Variants in DPP10 observed in about 807,000 individuals in gnomAD.
DPP10 encodes the protein dipeptidyl peptidase like 10, also known as inactive dipeptidyl peptidase 10.
In DPP10, 33 loss-of-function variants were observed where a neutral mutation model predicts 120.9. The observed-to-expected ratio is 0.27, with a 90% CI of 0.21 to 0.37. DPP10 has a LOEUF of 0.37. DPP10 is among the 10% of genes least tolerant of loss of function. The pLI is 1.00. For missense variants in DPP10, 816 were observed against 942.8 expected (o/e 0.87, Z 1.76); for synonymous variants, 337 against 326.1 (o/e 1.03, Z -0.36).
intron 1 of DPP10, among the ~76,000 whole-genome samples, chr2:115,022,681 C>A (rs901859115): frequency 6.6e-6 from 1 of 151,882 alleles, no homozygotes; most frequent in Non-Finnish European, 1.5e-5. Context: ...AAAAAAGAGC[C>A]CACATAACCA....
intron 3 of DPP10, among the ~76,000 whole-genome samples, chr2:115,415,531 G>C (rs1167863715): frequency 6.6e-6 from 1 of 151,954 alleles, no homozygotes; most frequent in Non-Finnish European, 1.5e-5. Context: ...GTCCATTAAG[G>C]GCTCAATGCC....
At chr2:115,227,482 A>G (rs1447730050) in intron 1 of DPP10, among the ~76,000 whole-genome samples, 1 of 152,170 alleles carries the variant, frequency 6.6e-6, no homozygotes, top group Non-Finnish European at 1.5e-5. Flanking sequence ...CTTAGTGAAC[A>G]GTTCTGAGTT....
intron 1 of DPP10, chr2:114,461,787 G>C: frequency 2.0e-6 from 2 of 985,372 alleles, no homozygotes; most frequent in Non-Finnish European, 2.4e-6. Flanking sequence ...GAGGATTAGA[G>C]AAATAATATA....
At chr2:114,923,190 CTTTTTTT>C (rs879644489) in intron 1 of DPP10, among the ~76,000 whole-genome samples, 2 of 137,476 alleles carry the variant, frequency 1.5e-5, no homozygotes, top group East Asian at 4.2e-4. Context: ...TTTCTTTTTT[CTTTTTTT>C]TTTTTAGACA....
At chr2:114,545,259 A>C (rs1687302146) in intron 1 of DPP10, among the ~76,000 whole-genome samples, 1 of 152,128 alleles carries the variant, frequency 6.6e-6, no homozygotes, top group Non-Finnish European at 1.5e-5. Context: ...ATTTTATATA[A>C]GTTAATAAAT....
At chr2:115,416,826 C>A (rs571055025) in intron 3 of DPP10, among the ~76,000 whole-genome samples, 3 of 152,018 alleles carry the variant, frequency 2.0e-5, no homozygotes, top group Non-Finnish European at 2.9e-5. Context: ...TATGAGGCTG[C>A]GTTCCAGTTT....
At chr2:114,517,488 C>A (rs1289372552) in intron 1 of DPP10, among the ~76,000 whole-genome samples, 1 of 149,714 alleles carries the variant, frequency 6.7e-6, no homozygotes, top group East Asian at 2.0e-4. Flanking sequence ...CCACTGCACT[C>A]CAGCCTGGGT....
chr2:115,753,197 A>G lies in DPP10; in HGVS notation c.974A>G (p.Lys325Arg), dbSNP rs773675590. The stretch of plus-strand genomic sequence containing the variant: ...AGAGAATACTATATCACTATGGTTA[A>G]ATGGGTAAGCAATACCAAGACTGTG... ...KSREYYITMV[K>R]WVSNTKTVVR... is the part of the protein sequence containing the mutation. Residue 325 changes from lysine (K) to arginine (R), a missense_variant, in exon 11 of 26, where the codon AAA (lysine) becomes AGA (arginine). Around this residue, in one of 3 missense-constraint regions of DPP10, gnomAD observed 592 missense variants for 649.0 expected, o/e 0.91. Transcript: ENST00000410059. 17 of 1,611,598 alleles carry G rather than the reference A, an allele frequency of 1.1e-5. No homozygotes were observed. The highest frequency in any genetic ancestry group is 1.4e-5 in the Non-Finnish European group (17 of 1,178,494).
intron 1 of DPP10, among the ~76,000 whole-genome samples, chr2:114,909,525 T>G (rs2106635250): frequency 6.6e-6 from 1 of 152,152 alleles, no homozygotes; most frequent in Admixed American, 6.5e-5. Flanking sequence ...TGCATTACTC[T>G]TGATAGAATC....
At chr2:115,715,339 C>CAAAAAAAA (rs546857779) in intron 7 of DPP10, among the ~76,000 whole-genome samples, 7 of 67,636 alleles carry the variant, frequency 1.0e-4, no homozygotes, top group African/African-American at 3.5e-4. Context: ...AACTCCGTCT[C>CAAAAAAAA]AAAAAAAAAA....
intron 21 of DPP10, among the ~76,000 whole-genome samples, chr2:115,819,702 C>T (rs1335532370): frequency 1.3e-5 from 2 of 152,080 alleles, no homozygotes; most frequent in Admixed American, 1.3e-4. Flanking sequence ...CTTTCAAATA[C>T]AAGCACTTAG....
intron 1 of DPP10, among the ~76,000 whole-genome samples, chr2:114,748,362 TTTTATTTATTTA>T (rs57013331): frequency 1.3e-3 from 158 of 124,734 alleles, no homozygotes; most frequent in African/African-American, 1.7e-3. Flanking sequence ...TTTTTTTTTA[TTTTATTTATTTA>T]TTTATTTATT....
chr2:115,301,573 G>A (rs2105978659), intron 1 of DPP10, among the ~76,000 whole-genome samples: 1 of 150,342 alleles, frequency 6.7e-6, no homozygotes, highest in East Asian at 2.0e-4. Flanking sequence ...GCTTTTTCTT[G>A]ATGGGGCATT....
At chr2:115,742,038 G>A (rs750387549) in intron 9 of DPP10, among the ~76,000 whole-genome samples, 1 of 152,068 alleles carries the variant, frequency 6.6e-6, no homozygotes, top group African/African-American at 2.4e-5. Flanking sequence ...TTTATTAATT[G>A]TAGAAATCAC....
intron 1 of DPP10, among the ~76,000 whole-genome samples, chr2:114,851,743 G>A (rs567134348): frequency 6.6e-6 from 1 of 152,130 alleles, no homozygotes; most frequent in East Asian, 1.9e-4. Context: ...AATCATGTAG[G>A]TCATGTACCT....
At chr2:114,827,508 T>A (rs181803502) in intron 1 of DPP10, among the ~76,000 whole-genome samples, 117 of 152,280 alleles carry the variant, frequency 7.7e-4, no homozygotes, top group African/African-American at 2.6e-3. Context: ...AACTACTTAA[T>A]AATTGTCTAT....
intron 1 of DPP10, among the ~76,000 whole-genome samples, chr2:115,079,626 G>A (rs1439694165): frequency 6.6e-6 from 1 of 152,084 alleles, no homozygotes; most frequent in Non-Finnish European, 1.5e-5. Context: ...AGCAGCCCAT[G>A]GGACCACAGG....
In DPP10 at chr2:114,947,193, C is replaced by T. The variant is rs180757748; in HGVS notation, c.61-362046C>T. The stretch of plus-strand genomic sequence containing the variant: ...ATTTGCTGCTTCATATATTTTGAGG[C>T]TAATCAGCAACCTGCGTATCTGACC... On this transcript the variant is annotated intron_variant, in intron 1 of 25. Coordinates refer to ENST00000410059, the MANE Select transcript of DPP10 (RefSeq NM_020868.6). 5.3e-5 allele frequency among the ~76,000 whole-genome samples: 8 copies of T among 152,040 alleles called. No homozygotes were observed. In the East Asian group the frequency reaches 1.5e-3, roughly 29 times the overall value.
chr2:115,371,876 T>C (rs1273209129), intron 3 of DPP10, among the ~76,000 whole-genome samples: 1 of 152,130 alleles, frequency 6.6e-6, no homozygotes, highest in Non-Finnish European at 1.5e-5. Context: ...GCTGATACTT[T>C]CATAAATGTC....
Sources: gnomAD v4.1 joint callset for allele counts (sites outside exome capture counted in the v4.1 genomes callset) on GRCh38, gnomAD v4.1.1 for gene constraint, gnomAD v4.1.1 regional missense constraint, MANE v1.5 for transcripts, NCBI Gene and HGNC (gene_info 2026-07-23, HGNC 2026-07-21) for gene names.